The following ARHGAP4 variants were observed in gnomAD, a reference collection of about 807,000 sequenced individuals.
ARHGAP4 encodes the protein rho GTPase-activating protein 4.
In ARHGAP4, 25 loss-of-function variants were observed where a neutral mutation model predicts 67.6. The ratio of observed to expected loss-of-function variants is 0.37; its 90% CI spans 0.27 to 0.52. The LOEUF (loss-of-function observed/expected upper bound fraction) is 0.52, where lower values mean the gene tolerates loss of function less well. Among genes scored for constraint, ARHGAP4 ranks in the 20% least tolerant of loss-of-function variants. The pLI is 0.92. For missense variants in ARHGAP4, 804 were observed against 854.6 expected, an observed-to-expected ratio of 0.94 and a Z score of 0.74; for synonymous variants, 448 against 373.7, an observed-to-expected ratio of 1.20 and a Z score of -2.29.
intron 21 of ARHGAP4, among the ~76,000 whole-genome samples, chrX:153,908,553 C>T (rs2064990207): frequency 8.9e-6 from 1 of 112,230 alleles, no homozygotes; most frequent in Non-Finnish European, 1.9e-5. Flanking sequence ...AGGGCCACAT[C>T]TTGAGCCTTC....
chrX:153,919,515 C>T (rs2065077773), intron 5 of ARHGAP4: 3 of 1,136,551 alleles, frequency 2.6e-6, no homozygotes, highest in Non-Finnish European at 3.5e-6. Flanking sequence ...TTGGTTCGAG[C>T]CACAACATTC....
rs782167977 is a variant in ARHGAP4, at chrX:153,921,592, G to A, written c.272+13C>T. 2.5e-6 allele frequency: 3 copies of A among 1,208,348 alleles called. No homozygotes were observed. Among genetic ancestry groups the A allele is most frequent in the Admixed American group, 2.2e-5 (1 of 45,957 alleles). ...GGGCCCTGCCGTGGCCCCCCTGCCA[G>A]CACATCACCTACCGGAAGCTTTGGT... On this transcript the variant is annotated intron_variant, in intron 2 of 21. Coordinates refer to ENST00000350060, the MANE Select transcript of ARHGAP4 (RefSeq NM_001666.5).
intron 7 of ARHGAP4, among the ~76,000 whole-genome samples, chrX:153,915,984 T>C (rs1557104219): frequency 1.8e-5 from 2 of 111,978 alleles, no homozygotes; most frequent in Non-Finnish European, 3.8e-5. Flanking sequence ...GGCCTGGTCC[T>C]ATCAGCCCGG....
In ARHGAP4 at chrX:153,926,262, G is replaced by C. The variant is rs12834662; in HGVS notation, c.-60C>G. 4.1e-5 allele frequency: 41 copies of C among 997,398 alleles called. No individual in the cohort carries two copies. Among genetic ancestry groups the C allele is most frequent in the Non-Finnish European group, 4.9e-5 (39 of 791,012 alleles). The allele number at this position is 997,398 out of a possible 1,213,427, so 82.2% of individuals were successfully genotyped here. A position where few individuals can be genotyped will look rare whatever the true frequency, so the allele number is the denominator to read the frequency against. On this transcript the variant is annotated 5_prime_UTR_variant, in exon 1 of 22. Coordinates refer to ENST00000350060, the MANE Select transcript of ARHGAP4 (RefSeq NM_001666.5). ...CTCCCACGCGGCCGTGAGCGGGCCCGGCGCCGGGACTTGGGGGCGCTGCGG... is the reference window on the plus strand; with the variant it reads ...CTCCCACGCGGCCGTGAGCGGGCCCCGCGCCGGGACTTGGGGGCGCTGCGG...
In ARHGAP4 at chrX:153,907,898, C is replaced by T. The variant is rs201123211; in HGVS notation, c.2672G>A (p.Gly891Asp). ...AGAGGTGGTAGATGCTGGCCCAAGG[C>T]CCTGGCGGACAGAGGTCTTTCCCAA... ...ELLGKTSVRQ[G>D]LGPASTTSPS... is the part of the protein sequence containing the mutation. The change falls in exon 22 of 22, where the codon GGC becomes GAC. Residue 891 changes from glycine to aspartate, a missense_variant. Gly to Asp is a moderately conservative substitution (Grantham distance 94). Around this residue, in one of 2 missense-constraint regions of ARHGAP4, gnomAD observed 400 missense variants for 348.7 expected, o/e 1.15. Transcript: ENST00000350060. 54 of 1,059,900 alleles carry T rather than the reference C, an allele frequency of 5.1e-5. No homozygotes were observed. In the East Asian group the frequency reaches 1.8e-3, roughly 36 times the overall value. 87.3% of individuals were successfully genotyped at this position (1,059,900 alleles called of 1,213,427 possible).
At chrX:153,925,196 T>C (rs2065119079) in intron 1 of ARHGAP4, among the ~76,000 whole-genome samples, 1 of 112,088 alleles carries the variant, frequency 8.9e-6, no homozygotes, top group African/African-American at 3.2e-5. Flanking sequence ...GGACACAGGC[T>C]GCCTTTTCCA....
chrX:153,911,069 C>A, intron 13 of ARHGAP4, 60 bp downstream of exon 13: 1 of 1,164,591 alleles, frequency 8.6e-7, no homozygotes, highest in Non-Finnish European at 1.1e-6. Context: ...CCTCCCATGC[C>A]AGGTGCTGGG....
chrX:153,908,006 C>T (rs375730183), intron 21 of ARHGAP4, 44 bp from the exon 22 acceptor site: 71 of 1,105,654 alleles, frequency 6.4e-5, no homozygotes, highest in South Asian at 3.7e-4. Context: ...TGAGTTCCCC[C>T]GACTGACCCT....
chrX:153,909,698 G>C (rs782708978), intron 19 of ARHGAP4, 43 bp downstream of exon 19: 1 of 1,142,971 alleles, frequency 8.7e-7, no homozygotes, highest in Admixed American at 2.7e-5. Context: ...GGATGAAGGG[G>C]AGACTCCGGG....
rs782812273 is a variant in ARHGAP4 at position 153,919,635 on chromosome X, A to G, written c.682-352T>C. On this transcript the variant is annotated intron_variant, in intron 5 of 21. Coordinates refer to ENST00000350060, the MANE Select transcript of ARHGAP4 (RefSeq NM_001666.5). The stretch of plus-strand genomic sequence containing the variant: ...TGCACGAGAAACCCAGCTTGGAGCC[A>G]GCACACAGGTGCACAGCTGGAAGCG... 186 of 1,165,887 alleles carry G rather than the reference A, an allele frequency of 1.6e-4. No homozygotes were observed. The highest frequency in any genetic ancestry group is 2.0e-4 in the Non-Finnish European group (173 of 872,387).
chrX:153,912,608 G>A, intron 12 of ARHGAP4, 92 bp downstream of exon 12: 1 of 776,968 alleles, frequency 1.3e-6, no homozygotes, highest in East Asian at 3.2e-5. Context: ...AGGACCCTGG[G>A]ATCAGGCAGC....
intron 21 of ARHGAP4, 130 bp downstream of exon 21, chrX:153,908,940 G>A: frequency 1.5e-6 from 1 of 647,745 alleles, no homozygotes; most frequent in Non-Finnish European, 2.4e-6. Flanking sequence ...GTGTCTGGCG[G>A]CAGGTTCCCT....
chrX:153,922,002 G>C (rs1557105477), intron 1 of ARHGAP4, 193 bp from the exon 2 acceptor site: 1 of 843,292 alleles, frequency 1.2e-6, no homozygotes, highest in African/African-American at 2.1e-5. Flanking sequence ...GGCAGATCTG[G>C]CCTCAGCTGT....
At chrX:153,920,347 C>T in intron 5 of ARHGAP4, 2 of 363,834 alleles carry the variant, frequency 5.5e-6, no homozygotes, top group South Asian at 1.1e-4. Flanking sequence ...TTCTTGCCCC[C>T]CTCTGAAACC....
At chrX:153,916,369 C>T (rs782391038) in intron 7 of ARHGAP4, among the ~76,000 whole-genome samples, 71 of 113,432 alleles carry the variant, frequency 6.3e-4, no homozygotes, top group African/African-American at 2.2e-3. Context: ...CCACTACCCT[C>T]TCACTGAGAG....
intron 1 of ARHGAP4, among the ~76,000 whole-genome samples, chrX:153,923,201 G>A (rs1337372305): frequency 1.8e-5 from 2 of 110,830 alleles, no homozygotes; most frequent in Non-Finnish European, 3.8e-5. Context: ...GTGGAGCCCA[G>A]GTGGCAGCTA....
chrX:153,919,790 T>TA lies in ARHGAP4; in HGVS notation c.682-508_682-507insT, dbSNP rs199880943. 5.3e-5 allele frequency: 42 copies of TA among 796,222 alleles called. No individual in the cohort carries two copies. The Middle Eastern group carries it at 1.6e-3, about 30-fold the overall frequency. The allele number at this position is 796,222 out of a possible 1,213,427, so 65.6% of individuals were successfully genotyped here. ...CTAAAACTGGCACTCTATTTTTTTT[T>TA]TATTTTTTTTTTTTGAGACAGAGTC... On this transcript the variant is annotated intron_variant, in intron 5 of 21. Transcript: ENST00000350060.
At chrX:153,924,490 G>A (rs370990912) in intron 1 of ARHGAP4, among the ~76,000 whole-genome samples, 1 of 111,746 alleles carries the variant, frequency 8.9e-6, no homozygotes, top group African/African-American at 3.3e-5. Flanking sequence ...TCTTGGCACC[G>A]TGCACTTTCC....
At position 153,909,585 on chromosome X, in the gene ARHGAP4, G is replaced by A. The variant is rs984953112; in HGVS notation, c.2415-50C>T. ...TTCGAGTGCTCCTTCCCTGCACGGG[G>A]TCCAGGGCCAGCAGCTCCGCGCCAG... On this transcript the variant is annotated intron_variant, in intron 19 of 21. Transcript: ENST00000350060. The A allele has an allele frequency of 4.7e-6, 5 of 1,060,871 alleles. No homozygotes were observed. In the African/African-American group the frequency reaches 9.3e-5, roughly 20 times the overall value. The allele number at this position is 1,060,871 out of a possible 1,213,427, so 87.4% of individuals were successfully genotyped here.
Sources: allele counts gnomAD v4.1 joint callset (sites outside exome capture counted in the v4.1 genomes callset), GRCh38; gene constraint gnomAD v4.1.1; regional missense constraint gnomAD v4.1.1; transcripts MANE v1.5; gene names NCBI Gene and HGNC (gene_info 2026-07-23, HGNC 2026-07-21).